Variants in PALM2AKAP2 observed in about 807,000 individuals in gnomAD.
PALM2AKAP2 encodes the protein PALM2 and AKAP2 fusion.
PALM2AKAP2 carries 37 observed loss-of-function variants against 71.5 expected under a neutral mutation model. The ratio of observed to expected loss-of-function variants is 0.52; its 90% CI spans 0.40 to 0.68. PALM2AKAP2 has a LOEUF of 0.68. Among genes scored for constraint, PALM2AKAP2 ranks in the 30% least tolerant of loss-of-function variants. The pLI is 0.00. For synonymous variants in PALM2AKAP2, 468 were observed against 478.8 expected (o/e 0.98, Z 0.29); for missense variants, 1,224 against 1,191.8 (o/e 1.03, Z -0.40).
chr9:109,840,115 T>C (rs985065435), intron 1 of PALM2AKAP2, among the ~76,000 whole-genome samples: 10 of 152,160 alleles, frequency 6.6e-5, no homozygotes, highest in African/African-American at 2.2e-4. Flanking sequence ...CTTCAAACTA[T>C]ACTACAAGGC....
intron 1 of PALM2AKAP2, among the ~76,000 whole-genome samples, chr9:110,053,496 C>T (rs10980160): frequency 0.026 from 3,389 of 129,892 alleles, 54 homozygotes; most frequent in Middle Eastern, 0.062. Flanking sequence ...CCACTGCACT[C>T]CAGCCTGGTG....
chr9:109,770,534 T>C (rs769388198), intron 1 of PALM2AKAP2, among the ~76,000 whole-genome samples: 3 of 152,214 alleles, frequency 2.0e-5, no homozygotes, highest in Non-Finnish European at 2.9e-5. Flanking sequence ...AATGCAGAAT[T>C]TGGCATAGTC....
At chr9:109,866,513 T>C (rs1223751802) in intron 1 of PALM2AKAP2, among the ~76,000 whole-genome samples, 1 of 152,108 alleles carries the variant, frequency 6.6e-6, no homozygotes, top group East Asian at 1.9e-4. Context: ...TGGAGAAGTA[T>C]AGAGAAGAAA....
intron 3 of PALM2AKAP2, among the ~76,000 whole-genome samples, chr9:109,917,306 G>C (rs576643630): frequency 6.6e-6 from 1 of 152,284 alleles, no homozygotes; most frequent in East Asian, 1.9e-4. Context: ...GGCAAACCCC[G>C]TGTCAGACTT....
intron 6 of PALM2AKAP2, among the ~76,000 whole-genome samples, chr9:109,978,265 G>C (rs1334934108): frequency 6.6e-6 from 1 of 152,040 alleles, no homozygotes; most frequent in Non-Finnish European, 1.5e-5. Flanking sequence ...AGTGGAGGTT[G>C]GCAGACATTT....
At chr9:109,974,307 G>A (rs1405572786) in intron 6 of PALM2AKAP2, among the ~76,000 whole-genome samples, 1 of 152,238 alleles carries the variant, frequency 6.6e-6, no homozygotes, top group Non-Finnish European at 1.5e-5. Flanking sequence ...TGCCCAGCCT[G>A]TTGCTAACGG....
At chr9:110,045,960 C>T (rs1833589240), upstream of PALM2AKAP2, among the ~76,000 whole-genome samples, 1 of 152,166 alleles carries the variant, frequency 6.6e-6, no homozygotes, top group Non-Finnish European at 1.5e-5. Flanking sequence ...GCATTACTGA[C>T]ATTTAGGGCT....
chr9:109,890,429 C>T (rs79356718), intron 3 of PALM2AKAP2, among the ~76,000 whole-genome samples: 3 of 152,258 alleles, frequency 2.0e-5, no homozygotes, highest in Non-Finnish European at 2.9e-5. Context: ...GGACAGCGAA[C>T]GGGTGATAAA....
At chr9:109,878,013 G>A (rs1380871212) in intron 2 of PALM2AKAP2, among the ~76,000 whole-genome samples, 3 of 152,200 alleles carry the variant, frequency 2.0e-5, no homozygotes. Context: ...CTCTCATAAT[G>A]TGCAAAACAG....
intron 1 of PALM2AKAP2, among the ~76,000 whole-genome samples, chr9:110,079,935 T>C (rs954936329): frequency 1.3e-5 from 2 of 151,744 alleles, no homozygotes; most frequent in African/African-American, 2.4e-5. Context: ...CTGGGCGTGG[T>C]GGCAGGATCC....
chr9:109,689,983 A>G (rs553557086), intron 1 of PALM2AKAP2, among the ~76,000 whole-genome samples: 1 of 152,350 alleles, frequency 6.6e-6, no homozygotes, highest in South Asian at 2.1e-4. Flanking sequence ...TCCATACAGA[A>G]AGAGACATCA....
At chr9:109,910,377 A>T (rs1830541549) in intron 3 of PALM2AKAP2, among the ~76,000 whole-genome samples, 1 of 152,218 alleles carries the variant, frequency 6.6e-6, no homozygotes, top group African/African-American at 2.4e-5. Flanking sequence ...AGTTCAGGAG[A>T]GATGCTGAAG....
At chr9:110,076,853 CAG>C (rs1834334846) in intron 1 of PALM2AKAP2, among the ~76,000 whole-genome samples, 1 of 152,148 alleles carries the variant, frequency 6.6e-6, no homozygotes, top group Admixed American at 6.5e-5. Context: ...GGTAACATTA[CAG>C]TATCACTGCT....
At chr9:110,020,307 C>CAT (rs1324779785) in intron 7 of PALM2AKAP2, among the ~76,000 whole-genome samples, 1 of 152,166 alleles carries the variant, frequency 6.6e-6, no homozygotes, top group Non-Finnish European at 1.5e-5. Context: ...CTTTGCCTTC[C>CAT]ATTTCCCTTG....
At chr9:110,025,746 C>T (rs776271074) in intron 7 of PALM2AKAP2, among the ~76,000 whole-genome samples, 3 of 152,154 alleles carry the variant, frequency 2.0e-5, no homozygotes, top group South Asian at 2.1e-4. Context: ...GGTGTGGAGT[C>T]GTATGTCATT....
chr9:109,645,245 G>A (rs991482233), intron 1 of PALM2AKAP2, among the ~76,000 whole-genome samples: 27 of 152,134 alleles, frequency 1.8e-4, no homozygotes, highest in African/African-American at 6.5e-4. Context: ...AGGGCAGCAG[G>A]CAAAAAGAAA....
chr9:109,881,729 A>G (rs1829856557), intron 3 of PALM2AKAP2, among the ~76,000 whole-genome samples: 1 of 152,062 alleles, frequency 6.6e-6, no homozygotes, highest in South Asian at 2.1e-4. Flanking sequence ...GTCCCAGGAC[A>G]CCTAGCCAGA....
At chr9:109,675,164 T>C (rs1296847890) in intron 1 of PALM2AKAP2, among the ~76,000 whole-genome samples, 1 of 152,146 alleles carries the variant, frequency 6.6e-6, no homozygotes, top group Non-Finnish European at 1.5e-5. Flanking sequence ...TCACTTATGA[T>C]GGGTTTATTG....
At chr9:109,912,441 A>T (rs1830591425) in intron 3 of PALM2AKAP2, among the ~76,000 whole-genome samples, 1 of 152,222 alleles carries the variant, frequency 6.6e-6, no homozygotes, top group South Asian at 2.1e-4. Flanking sequence ...TTTTCATATT[A>T]AAATACCAAA....
Sources: gnomAD v4.1 joint callset for allele counts (sites outside exome capture counted in the v4.1 genomes callset) on GRCh38, gnomAD v4.1.1 for gene constraint, MANE v1.5 for transcripts, NCBI Gene and HGNC (gene_info 2026-07-23, HGNC 2026-07-21) for gene names.